ZNF609: variants seen among roughly 807,000 people sequenced by gnomAD.
ZNF609 encodes zinc finger protein 609.
A neutral mutation model predicts 109.5 loss-of-function variants in ZNF609; 11 were observed. That is an observed-to-expected ratio of 0.10 (90% CI 0.06 to 0.17). ZNF609 has a LOEUF of 0.17. Among genes scored for constraint, ZNF609 ranks in the 10% least tolerant of loss-of-function variants. The probability of loss-of-function intolerance (pLI) is 1.00; values close to 1 mark genes in which losing one functional copy is unlikely to be tolerated. For missense variants in ZNF609, 1,559 were observed against 1,772.4 expected (o/e 0.88, Z 2.16); for synonymous variants, 646 against 662.0 (o/e 0.98, Z 0.37).
At chr15:64,534,869 C>T (rs1188502186) in intron 2 of ZNF609, among the ~76,000 whole-genome samples, 1 of 151,900 alleles carries the variant, frequency 6.6e-6, no homozygotes, top group Non-Finnish European at 1.5e-5. Flanking sequence ...CCTATCTCCA[C>T]TAAAAATACA....
Position 64,602,716 on chromosome 15 carries a change from CTTTTTTTTTTT to C in ZNF609, c.748-20097_748-20087del, listed in dbSNP as rs10600561. Among the ~76,000 whole-genome samples, 145 of 55,606 alleles carry C rather than the reference CTTTTTTTTTTT, an allele frequency of 2.6e-3. 1 individual carries two copies. Among genetic ancestry groups the C allele is most frequent in the African/African-American group, 8.9e-3 (136 of 15,268 alleles). 36.5% of individuals were successfully genotyped at this position (55,606 alleles called of 152,430 possible). On this transcript the variant is annotated intron_variant, in intron 2 of 9. Coordinates refer to ENST00000326648, the MANE Select transcript of ZNF609 (RefSeq NM_015042.2). The stretch of plus-strand genomic sequence containing the variant: ...CTGCCCTGACTTTTCTTTTTTCTTT[CTTTTTTTTTTT>C]TTTTTTTTTTTTTGAGACGGAGTCT...
At chr15:64,681,446 T>C in intron 9 of ZNF609, 59 bp downstream of exon 9, 1 of 1,414,364 alleles carries the variant, frequency 7.1e-7, no homozygotes, top group East Asian at 2.3e-5. Context: ...GCTACCTGGA[T>C]CACAGAATCC....
chr15:64,544,773 A>T (rs559811895), intron 2 of ZNF609, among the ~76,000 whole-genome samples: 2 of 152,136 alleles, frequency 1.3e-5, no homozygotes, highest in African/African-American at 4.8e-5. Flanking sequence ...CTTTTTACCA[A>T]TCTAGCATGA....
intron 2 of ZNF609, among the ~76,000 whole-genome samples, chr15:64,534,606 C>T (rs555202376): frequency 5.0e-4 from 76 of 152,276 alleles, no homozygotes; most frequent in Non-Finnish European, 8.8e-4. Context: ...TGAGCCACCG[C>T]GCCTGGCCGT....
chr15:64,528,927 C>T, intron 2 of ZNF609: 1 of 1,239,720 alleles, frequency 8.1e-7, no homozygotes, highest in Non-Finnish European at 1.2e-6. Flanking sequence ...CAGGTTTTTC[C>T]AGACGACAGG....
chr15:64,577,137 C>T (rs1314556446), intron 2 of ZNF609, among the ~76,000 whole-genome samples: 1 of 34,290 alleles, frequency 2.9e-5, no homozygotes, highest in African/African-American at 6.0e-5. Context: ...TATATACACA[C>T]AAATATATAC....
chr15:64,625,477 ACCATTGCACTCTGGC>A (rs1486050984), intron 3 of ZNF609, among the ~76,000 whole-genome samples: 2 of 152,116 alleles, frequency 1.3e-5, no homozygotes, highest in Admixed American at 6.5e-5. Context: ...CCGAGATCGC[ACCATTGCACTCTGGC>A]CCAGGCAACA....
chr15:64,648,366 C>T (rs1374133772), intron 3 of ZNF609, among the ~76,000 whole-genome samples: 2 of 152,188 alleles, frequency 1.3e-5, no homozygotes, highest in East Asian at 3.9e-4. Flanking sequence ...GTGTCATACA[C>T]CTGTAGTCCC....
At chr15:64,631,847 ACT>A (rs1896086229) in intron 3 of ZNF609, 1 of 163,108 alleles carries the variant, frequency 6.1e-6, no homozygotes, top group South Asian at 1.6e-4. Context: ...CCCGGCCACA[ACT>A]CTATATTTTC....
intron 2 of ZNF609, chr15:64,528,936 G>T: frequency 1.6e-6 from 2 of 1,276,242 alleles, no homozygotes; most frequent in Non-Finnish European, 2.3e-6. Context: ...CCAGACGACA[G>T]GTCAGGTCCG....
rs188352848 is a variant in ZNF609 at position 64,627,586 on chromosome 15, C to T, written c.973+4534C>T. On this transcript the variant is annotated intron_variant, in intron 3 of 9. Coordinates refer to ENST00000326648, the MANE Select transcript of ZNF609 (RefSeq NM_015042.2). ...GGAAAAATCCCTTAATTTTCTGGGC[C>T]TTAGTTACCTCATCTCTTAAGTTGA... Among the ~76,000 whole-genome samples the T allele has an allele frequency of 3.8e-4, 57 of 151,552 alleles. 1 individual carries two copies. The East Asian group carries it at 0.01, about 27-fold the overall frequency.
intron 2 of ZNF609, among the ~76,000 whole-genome samples, chr15:64,532,077 C>A (rs2140372561): frequency 6.6e-6 from 1 of 152,278 alleles, no homozygotes. Context: ...CTACTGGATT[C>A]TGCTGTTCCT....
chr15:64,663,257 G>T (rs1279281434), intron 3 of ZNF609, among the ~76,000 whole-genome samples: 1 of 152,136 alleles, frequency 6.6e-6, no homozygotes, highest in East Asian at 1.9e-4. Flanking sequence ...TATTTTGAAG[G>T]TTGAGCCAAA....
chr15:64,533,675 T>A (rs1265413693), intron 2 of ZNF609, among the ~76,000 whole-genome samples: 1 of 152,228 alleles, frequency 6.6e-6, no homozygotes, highest in African/African-American at 2.4e-5. Context: ...TTATTGCAAC[T>A]ATTTTCTTGT....
Position 64,500,118 on chromosome 15 carries a change from G to C in ZNF609, c.699G>C (p.Glu233Asp). 6.2e-7 allele frequency: 1 copy of C among 1,614,014 alleles called. No homozygotes were observed. The highest frequency in any genetic ancestry group is 8.5e-7 in the Non-Finnish European group (1 of 1,180,028). The change falls in exon 2 of 10, where the codon GAG becomes GAC. Residue 233 changes from glutamate (E) to aspartate (D), a missense_variant. Glu to Asp is a conservative substitution (Grantham distance 45, BLOSUM62 2). Coordinates refer to ENST00000326648, the MANE Select transcript of ZNF609 (RefSeq NM_015042.2). ...CTTTGGGAACTAAACCGGAGCCAGA[G>C]GAAGGGGAGAATGAGTGTCGCCTGC... The part of the protein sequence containing the change: ...LNPLGTKPEP[E>D]EGENECRLLK...
At chr15:64,665,866 A>G (rs1363585220) in intron 3 of ZNF609, among the ~76,000 whole-genome samples, 5 of 151,870 alleles carry the variant, frequency 3.3e-5, no homozygotes, top group African/African-American at 1.2e-4. Flanking sequence ...AGATCACGCC[A>G]TTGCACTCCA....
intron 2 of ZNF609, among the ~76,000 whole-genome samples, chr15:64,504,972 A>G (rs1476532180): frequency 6.6e-6 from 1 of 152,140 alleles, no homozygotes; most frequent in Non-Finnish European, 1.5e-5. Flanking sequence ...TTTTCAATGT[A>G]AAGACTACCT....
chr15:64,525,323 G>A (rs1433591174), intron 2 of ZNF609, among the ~76,000 whole-genome samples: 1 of 152,062 alleles, frequency 6.6e-6, no homozygotes, highest in Non-Finnish European at 1.5e-5. Flanking sequence ...AGCACCAATC[G>A]TTGAAAAGAC....
rs543177236 is a variant in ZNF609 at position 64,622,876 on chromosome 15, T to G, written c.797T>G (p.Val266Gly). ...TPAVLPIHLL[V>G]PVVNNDISSP... is the part of the protein sequence containing the mutation. ...GCAGTGCTGCCAATACACCTTTTGG[T>G]GCCAGTGGTCAACAATGACATCTCA... is the stretch of plus-strand genomic sequence containing the variant. Residue 266 changes from valine to glycine, a missense_variant, in exon 3 of 10, where the codon GTG becomes GGG. Physicochemically the swap from Val to Gly is moderately radical, Grantham distance 109. Coordinates refer to ENST00000326648, the MANE Select transcript of ZNF609 (RefSeq NM_015042.2). The G allele has an allele frequency of 2.5e-6, 4 of 1,614,270 alleles. No homozygotes were observed. Among genetic ancestry groups the G allele is most frequent in the East Asian group, 2.2e-5 (1 of 44,892 alleles).
Sources: allele counts gnomAD v4.1 joint callset (sites outside exome capture counted in the v4.1 genomes callset), GRCh38; gene constraint gnomAD v4.1.1; transcripts MANE v1.5; gene names NCBI Gene and HGNC (gene_info 2026-07-23, HGNC 2026-07-21).